Variants in SLC6A18 observed in about 807,000 individuals in gnomAD.
SLC6A18 encodes inactive sodium-dependent neutral amino acid transporter B(0)AT3.
Under a neutral mutation model 62.9 loss-of-function variants are expected in SLC6A18, and 58 were observed. That is an observed-to-expected ratio of 0.92 (90% CI 0.75 to 1.15). SLC6A18 has a LOEUF of 1.15. Ranked by LOEUF, SLC6A18 falls within the 50% of genes most tolerant of loss-of-function variation. SLC6A18 has a pLI of 0.00. For missense variants in SLC6A18, 793 were observed against 836.6 expected, an observed-to-expected ratio of 0.95 and a Z score of 0.64; for synonymous variants, 382 against 365.8, an observed-to-expected ratio of 1.04 and a Z score of -0.51.
chr5:1,242,396 CACG>C, intron 7 of SLC6A18, among the ~76,000 whole-genome samples: 1 of 139,286 alleles, frequency 7.2e-6, no homozygotes, highest in Non-Finnish European at 1.6e-5. Flanking sequence ...GAGGCGTCCA[CACG>C]ATCCCAACAG....
At chr5:1,231,096 G>A (rs1252402724) in intron 1 of SLC6A18, among the ~76,000 whole-genome samples, 1 of 152,322 alleles carries the variant, frequency 6.6e-6, no homozygotes, top group East Asian at 1.9e-4. Flanking sequence ...CAAATTGCAG[G>A]AATCGATCAT....
chr5:1,246,186 T>C lies in SLC6A18; in HGVS notation c.*108T>C, dbSNP rs1579536579. ...ACCCCAATACACCAGCGACTCAACC[T>C]TGATGCCGCTGTGTACGTGTGGTTA... On this transcript the variant is annotated 3_prime_UTR_variant, in exon 12 of 12. Coordinates refer to ENST00000324642, the MANE Select transcript of SLC6A18 (RefSeq NM_182632.3). 6 of 1,374,090 alleles carry C rather than the reference T, an allele frequency of 4.4e-6. No individual in the cohort carries two copies. The African/African-American group carries it at 7.3e-5, about 17-fold the overall frequency. The allele number at this position is 1,374,090 out of a possible 1,614,324, so 85.1% of individuals were successfully genotyped here.
chr5:1,238,381 C>A (rs1040199094), intron 5 of SLC6A18, among the ~76,000 whole-genome samples: 220 of 30,810 alleles, frequency 7.1e-3, no homozygotes, highest in African/African-American at 0.024. Context: ...GGGCCTGGGG[C>A]CTCAGGAAAG....
intron 2 of SLC6A18, 110 bp downstream of exon 2, chr5:1,232,469 C>G: frequency 7.0e-7 from 1 of 1,427,296 alleles, no homozygotes; most frequent in Non-Finnish European, 9.4e-7. Flanking sequence ...AGCGGCCAGG[C>G]CAGGCCGGCG....
Position 1,245,866 on chromosome 5 carries a change from C to T in SLC6A18, c.1675C>T (p.Gln559Ter), listed in dbSNP as rs1561182150. 6.2e-7 allele frequency: 1 copy of T among 1,608,078 alleles called. No individual in the cohort carries two copies. The highest frequency in any genetic ancestry group is 2.2e-5 in the East Asian group (1 of 44,786). The change falls in exon 12 of 12, where the codon CAG becomes TAG. Residue 559 changes from glutamine (Q) to a stop codon, truncating the protein, a stop_gained. Transcript: ENST00000324642. LOFTEE classifies it low-confidence loss of function (END_TRUNC). ...NPKYELFPSR[Q>*]EKLYPGWARA... is the part of the protein sequence containing the mutation. ...CCCGCAGGAGCTGTTCCCCTCGCGT[C>T]AGGAGAAGCTCTACCCGGGCTGGGC... is the stretch of plus-strand genomic sequence containing the variant.
Position 1,241,863 on chromosome 5 carries a change from G to A in SLC6A18, c.975-844G>A, listed in dbSNP as rs1165302625. On this transcript the variant is annotated intron_variant, in intron 7 of 11. Transcript: ENST00000324642. The surrounding 1 kb of genome is among the most constrained non-coding windows in gnomAD (Gnocchi z 7.8). ...GCAGGCGGATAAGGACCAGCCGTGC[G>A]CACAACGCCCTGCGCCGTGCAGCCC... Among the ~76,000 whole-genome samples the A allele has an allele frequency of 5.3e-5, 8 of 152,240 alleles. No homozygotes were observed. The highest frequency in any genetic ancestry group is 2.1e-4 in the South Asian group (1 of 4,834).
chr5:1,235,788 C>T lies in SLC6A18; in HGVS notation c.621+126C>T, dbSNP rs933106368. 65 of 913,624 alleles carry T rather than the reference C, an allele frequency of 7.1e-5. 1 individual carries two copies. Among genetic ancestry groups the T allele is most frequent in the Admixed American group, 1.7e-4 (7 of 41,330 alleles). 56.6% of individuals were successfully genotyped at this position (913,624 alleles called of 1,614,324 possible). The stretch of plus-strand genomic sequence containing the variant: ...GGGGCATAAACATCTAGGATTGCAA[C>T]GTCTTCTTAGGGAATTGATCCCATT... On this transcript the variant is annotated intron_variant, in intron 4 of 11. Transcript: ENST00000324642.
intron 11 of SLC6A18, 61 bp from the exon 12 acceptor site, chr5:1,245,787 C>A: frequency 6.6e-7 from 1 of 1,505,300 alleles, no homozygotes; most frequent in Non-Finnish European, 8.9e-7. Context: ...TTGAGGAGCA[C>A]GGGGGTCAGC....
intron 5 of SLC6A18, among the ~76,000 whole-genome samples, chr5:1,238,579 G>C (rs7717017): frequency 2.1e-4 from 7 of 32,742 alleles, no homozygotes; most frequent in East Asian, 5.8e-4. Context: ...TCAGGAAAGA[G>C]GTCAGGTTTG....
In SLC6A18 at chr5:1,233,017, T is replaced by C. The variant is rs1746776482; in HGVS notation, c.439+129T>C. The C allele has an allele frequency of 1.3e-5, 17 of 1,359,946 alleles. No homozygotes were observed. The South Asian group carries it at 2.4e-4, about 19-fold the overall frequency. 84.2% of individuals were successfully genotyped at this position (1,359,946 alleles called of 1,614,324 possible). A position where few individuals can be genotyped will look rare whatever the true frequency, so the allele number is the denominator to read the frequency against. On this transcript the variant is annotated intron_variant, in intron 3 of 11. Coordinates refer to ENST00000324642, the MANE Select transcript of SLC6A18 (RefSeq NM_182632.3). Reference sequence around the variant, plus strand: ...GCGGGGGGAGGGCCGGGGAACCGGTTGCTCTGTGTGCACATGCACGCGCCT... The same window carrying C: ...GCGGGGGGAGGGCCGGGGAACCGGTCGCTCTGTGTGCACATGCACGCGCCT...
chr5:1,244,408 C>A (rs776339336), intron 10 of SLC6A18, 35 bp downstream of exon 10: 2 of 1,611,580 alleles, frequency 1.2e-6, no homozygotes, highest in African/African-American at 2.7e-5. Context: ...TCCTCTGGGA[C>A]CCACCAGGGT....
Position 1,232,219 on chromosome 5 carries a change from G to A in SLC6A18, c.161G>A (p.Gly54Glu). ...FPYLCQTYGGGAFLIPYVIAL... is the reference protein window; with the variant it reads ...FPYLCQTYGGEAFLIPYVIAL... ...GGTGCTGACCACCCCCTCCTCACAGGGGCCTTCCTCATCCCCTACGTCATC... is the reference window on the plus strand; with the variant it reads ...GGTGCTGACCACCCCCTCCTCACAGAGGCCTTCCTCATCCCCTACGTCATC... The change falls in exon 2 of 12, where the codon GGG becomes GAG. Residue 54 changes from glycine to glutamate, a missense_variant and splice_region_variant. Transcript: ENST00000324642. 2.5e-6 allele frequency: 4 copies of A among 1,610,778 alleles called. No individual in the cohort carries two copies. Among genetic ancestry groups the A allele is most frequent in the Non-Finnish European group, 2.5e-6 (3 of 1,178,866 alleles).
chr5:1,244,074 C>T (rs1014879010), intron 9 of SLC6A18, 140 bp from the exon 10 acceptor site: 2 of 698,406 alleles, frequency 2.9e-6, no homozygotes, highest in Non-Finnish European at 4.8e-6. Flanking sequence ...GGGTGGGAAG[C>T]CGAGAGAAGT....
intron 5 of SLC6A18, among the ~76,000 whole-genome samples, chr5:1,239,198 G>C (rs891643421): frequency 6.6e-6 from 1 of 152,226 alleles, no homozygotes; most frequent in Non-Finnish European, 1.5e-5. Context: ...TGCCAGCTAC[G>C]TTCTCATGTG....
intron 1 of SLC6A18, 47 bp downstream of exon 1, chr5:1,225,684 C>G (rs760948263): frequency 1.2e-5 from 18 of 1,502,400 alleles, no homozygotes; most frequent in Middle Eastern, 1.8e-4. Context: ...GCAGGGGAGG[C>G]CGTCTCCACC....
chr5:1,240,504 C>T (rs1747024313), intron 6 of SLC6A18, 27 bp from the exon 7 acceptor site: 4 of 1,613,522 alleles, frequency 2.5e-6, no homozygotes, highest in Non-Finnish European at 2.5e-6. Flanking sequence ...CCTGCAAAGC[C>T]TGTGATGAGC....
intron 3 of SLC6A18, among the ~76,000 whole-genome samples, chr5:1,233,863 TC>T (rs1419247670): frequency 6.6e-6 from 1 of 151,854 alleles, no homozygotes; most frequent in Admixed American, 6.6e-5. Flanking sequence ...TGCCTCAGCC[TC>T]CCAAATAGCT....
chr5:1,225,690 C>G, intron 1 of SLC6A18, 53 bp downstream of exon 1: 1 of 1,491,228 alleles, frequency 6.7e-7, no homozygotes, highest in Middle Eastern at 1.8e-4. Context: ...GAGGCCGTCT[C>G]CACCCTGACC....
In SLC6A18 at chr5:1,232,802, T is replaced by C. The variant is rs1746767308; in HGVS notation, c.353T>C (p.Ile118Thr). 1.2e-6 allele frequency: 2 copies of C among 1,613,504 alleles called. No homozygotes were observed. Among genetic ancestry groups the C allele is most frequent in the Non-Finnish European group, 1.7e-6 (2 of 1,179,996 alleles). The change falls in exon 3 of 12, where the codon ATC (isoleucine) becomes ACC (threonine). Residue 118 changes from isoleucine (I) to threonine (T), a missense_variant. Transcript: ENST00000324642. ...CTGATCAGCCTGTACTACAACACCA[T>C]CGTGGCGTGGGTGCTGTGGTACCTC... is the stretch of plus-strand genomic sequence containing the variant. The part of the protein sequence containing the change: ...SFLISLYYNT[I>T]VAWVLWYLLN...
Sources: allele counts gnomAD v4.1 joint callset (sites outside exome capture counted in the v4.1 genomes callset), GRCh38; gene constraint gnomAD v4.1.1; non-coding constraint Gnocchi (gnomAD v3.1); transcripts MANE v1.5; gene names NCBI Gene and HGNC (gene_info 2026-07-23, HGNC 2026-07-21).